LRRC4C: variants seen among roughly 807,000 people sequenced by gnomAD.
LRRC4C encodes leucine rich repeat containing 4C, also known as leucine-rich repeat-containing protein 4C.
Under a neutral mutation model 33.6 loss-of-function variants are expected in LRRC4C, and 5 were observed. The observed-to-expected ratio is 0.15, with a 90% CI of 0.08 to 0.31. The LOEUF is 0.31. Among genes scored for constraint, LRRC4C ranks in the 10% least tolerant of loss-of-function variants. The pLI is 1.00. For missense variants in LRRC4C, 560 were observed against 796.7 expected, an observed-to-expected ratio of 0.70 and a Z score of 3.58; for synonymous variants, 329 against 302.0, an observed-to-expected ratio of 1.09 and a Z score of -0.93.
At chr11:40,399,816 C>T (rs969894393) in intron 3 of LRRC4C, among the ~76,000 whole-genome samples, 6 of 152,140 alleles carry the variant, frequency 3.9e-5, no homozygotes, top group Admixed American at 3.9e-4. Context: ...TGCAACCTTC[C>T]ATGTCATGCG....
At chr11:40,926,271 T>A (rs1957403941) in intron 2 of LRRC4C, among the ~76,000 whole-genome samples, 1 of 152,196 alleles carries the variant, frequency 6.6e-6, no homozygotes, top group African/African-American at 2.4e-5. Context: ...CCGTGCTCCA[T>A]GTTGTACATG....
At chr11:40,431,083 A>C (rs1482001805) in intron 3 of LRRC4C, among the ~76,000 whole-genome samples, 1 of 108,740 alleles carries the variant, frequency 9.2e-6, no homozygotes, top group Non-Finnish European at 1.9e-5. Context: ...TGTACCCTAA[A>C]ACTTAAAGTA....
At chr11:40,473,996 AG>A (rs1165064709) in intron 3 of LRRC4C, among the ~76,000 whole-genome samples, 1 of 152,210 alleles carries the variant, frequency 6.6e-6, no homozygotes, top group Non-Finnish European at 1.5e-5. Context: ...ATGGATAGAA[AG>A]AATCAATATC....
At chr11:41,236,285 C>T (rs1591023420) in intron 1 of LRRC4C, among the ~76,000 whole-genome samples, 1 of 152,148 alleles carries the variant, frequency 6.6e-6, no homozygotes, top group East Asian at 1.9e-4. Flanking sequence ...ATGAACACCT[C>T]CTGATACCTC....
chr11:40,420,429 C>T (rs192221437), intron 3 of LRRC4C, among the ~76,000 whole-genome samples: 281 of 152,306 alleles, frequency 1.8e-3, no homozygotes, highest in Admixed American at 5.1e-3. Context: ...ACTTCCCTCA[C>T]GTCTCTCCAT....
At chr11:40,923,836 T>C (rs2136387459) in intron 2 of LRRC4C, among the ~76,000 whole-genome samples, 1 of 152,230 alleles carries the variant, frequency 6.6e-6, no homozygotes, top group Admixed American at 6.5e-5. Context: ...TGGACAAGCA[T>C]TTGGTGAAGT....
At chr11:40,460,063 G>A (rs1259308006) in intron 3 of LRRC4C, among the ~76,000 whole-genome samples, 6 of 152,156 alleles carry the variant, frequency 3.9e-5, no homozygotes, top group African/African-American at 1.4e-4. Flanking sequence ...AATTGCAGCA[G>A]TCATATTGAG....
chr11:40,793,597 T>C (rs1385546630), intron 2 of LRRC4C, among the ~76,000 whole-genome samples: 1 of 152,186 alleles, frequency 6.6e-6, no homozygotes, highest in Non-Finnish European at 1.5e-5. Context: ...TTTACAAATA[T>C]GGAAACTGAG....
chr11:40,337,439 A>G (rs1946678524), intron 3 of LRRC4C, among the ~76,000 whole-genome samples: 1 of 152,232 alleles, frequency 6.6e-6, no homozygotes, highest in Non-Finnish European at 1.5e-5. Context: ...AGTAGCTTTG[A>G]AAACAACACA....
chr11:41,139,766 G>T (rs1351939903), intron 1 of LRRC4C, among the ~76,000 whole-genome samples: 1 of 152,224 alleles, frequency 6.6e-6, no homozygotes, highest in East Asian at 1.9e-4. Context: ...CAGAAGCTCT[G>T]TATGTCAAAC....
chr11:41,006,668 A>C (rs1288243362), intron 1 of LRRC4C, among the ~76,000 whole-genome samples: 4 of 152,202 alleles, frequency 2.6e-5, no homozygotes, highest in African/African-American at 9.6e-5. Flanking sequence ...ATAAAGGAAA[A>C]GGAGAAAGAA....
At chr11:40,630,189 T>A (rs972940634) in intron 3 of LRRC4C, among the ~76,000 whole-genome samples, 2 of 151,998 alleles carry the variant, frequency 1.3e-5, no homozygotes, top group Admixed American at 1.3e-4. Flanking sequence ...TTGAGAAAAA[T>A]CTCAAGAACA....
intron 3 of LRRC4C, among the ~76,000 whole-genome samples, chr11:40,426,036 C>T (rs1950701223): frequency 7.4e-6 from 1 of 135,296 alleles, no homozygotes. Flanking sequence ...TTTTTTGAGA[C>T]AGAGTCTCGC....
intron 3 of LRRC4C, among the ~76,000 whole-genome samples, chr11:40,388,140 C>T (rs932073425): frequency 4.6e-5 from 7 of 152,100 alleles, no homozygotes; most frequent in African/African-American, 9.7e-5. Flanking sequence ...ATTTAACCTT[C>T]GTTTGGAAAG....
intron 1 of LRRC4C, among the ~76,000 whole-genome samples, chr11:40,963,932 T>G (rs1851145841): frequency 6.6e-6 from 1 of 151,754 alleles, no homozygotes; most frequent in African/African-American, 2.4e-5. Context: ...TGGGCAATCT[T>G]TAAAAATCTA....
At chr11:40,321,638 TC>T in intron 3 of LRRC4C, among the ~76,000 whole-genome samples, 1 of 152,324 alleles carries the variant, frequency 6.6e-6, no homozygotes, top group Non-Finnish European at 1.5e-5. Flanking sequence ...GTGCTATGTA[TC>T]CTGGCACTAC....
intron 3 of LRRC4C, among the ~76,000 whole-genome samples, chr11:40,360,091 T>C (rs1947877869): frequency 6.6e-6 from 1 of 151,984 alleles, no homozygotes; most frequent in African/African-American, 2.4e-5. Flanking sequence ...AAATAAAAAG[T>C]GAAGAAACTA....
At position 41,437,007 on chromosome 11, in the gene LRRC4C, TGTTA is replaced by T. The variant is rs1955451081; in HGVS notation, c.-496+22420_-496+22423del. Among the ~76,000 whole-genome samples the T allele has an allele frequency of 2.0e-5, 3 of 152,322 alleles. No homozygotes were observed. The South Asian group carries it at 6.2e-4, about 32-fold the overall frequency. On this transcript the variant is annotated intron_variant, in intron 1 of 6. Coordinates refer to ENST00000528697, the MANE Select transcript of LRRC4C (RefSeq NM_001258419.2). ...AAAACCATGTGACCTGCAAACTTTT[TGTTA>T]GTATCTCCATTCTGCCCTAAAATAC... is the stretch of plus-strand genomic sequence containing the variant.
chr11:41,120,424 C>A (rs1942361837), intron 1 of LRRC4C, among the ~76,000 whole-genome samples: 1 of 152,138 alleles, frequency 6.6e-6, no homozygotes, highest in Non-Finnish European at 1.5e-5. Context: ...GATGGCAGAT[C>A]ATTATATATG....
Sources: gnomAD v4.1 joint callset for allele counts (sites outside exome capture counted in the v4.1 genomes callset) on GRCh38, gnomAD v4.1.1 for gene constraint, MANE v1.5 for transcripts, NCBI Gene and HGNC (gene_info 2026-07-23, HGNC 2026-07-21) for gene names.